ZNF407: variants seen among roughly 807,000 people sequenced by gnomAD.
The protein encoded by ZNF407 is zinc finger protein 407.
A neutral mutation model predicts 131.2 loss-of-function variants in ZNF407; 17 were observed. That is an observed-to-expected ratio of 0.13 (90% CI 0.09 to 0.19). ZNF407 has a LOEUF of 0.19. Ranked by LOEUF, ZNF407 falls within the 10% of genes least tolerant of loss-of-function variation. The pLI is 1.00. For synonymous variants in ZNF407, 1,156 were observed against 1,062.0 expected (o/e 1.09, Z -1.72); for missense variants, 2,681 against 2,830.6 (o/e 0.95, Z 1.20).
In ZNF407 at chr18:74,633,663, AAAGT is replaced by A; in HGVS notation, c.2645_2648del (p.Lys882SerfsTer7). 6.2e-7 allele frequency: 1 copy of A among 1,614,036 alleles called. No homozygotes were observed. The highest frequency in any genetic ancestry group is 8.5e-7 in the Non-Finnish European group (1 of 1,179,878). On this transcript the variant is annotated frameshift_variant, in exon 2 of 9. Coordinates refer to ENST00000299687, the MANE Select transcript of ZNF407 (RefSeq NM_017757.3). LOFTEE classifies it high-confidence loss of function. ...CAGTCACCAGTATAGTTATTTATGCAAAGTGTGTAAGTATTACACTGTAACTAAG... is the reference window on the plus strand; with the variant it reads ...CAGTCACCAGTATAGTTATTTATGCAGTGTAAGTATTACACTGTAACTAAG...
At chr18:74,787,288 C>G (rs1166868201) in intron 4 of ZNF407, among the ~76,000 whole-genome samples, 1 of 152,112 alleles carries the variant, frequency 6.6e-6, no homozygotes, top group Non-Finnish European at 1.5e-5. Context: ...AGGAGATACA[C>G]CCTCATGTTC....
chr18:74,915,319 GGAGT>G (rs1240635148), intron 7 of ZNF407, among the ~76,000 whole-genome samples: 2 of 139,520 alleles, frequency 1.4e-5, no homozygotes, highest in East Asian at 4.1e-4. Context: ...GTTCGAATCG[GGAGT>G]GTGTGTGTGT....
intron 8 of ZNF407, among the ~76,000 whole-genome samples, chr18:75,054,600 A>G (rs893544608): frequency 6.6e-6 from 1 of 152,228 alleles, no homozygotes; most frequent in African/African-American, 2.4e-5. Context: ...TTACCTTTTA[A>G]GGTATGTATA....
chr18:74,877,179 T>G lies in ZNF407; in HGVS notation c.4878-18T>G. Reference sequence around the variant, plus strand: ...TGTGCGGGCCATATTTATATTGTTTTCTCTCTCCTTCATGCAGGAAATTTA... The same window carrying G: ...TGTGCGGGCCATATTTATATTGTTTGCTCTCTCCTTCATGCAGGAAATTTA... On this transcript the variant is annotated intron_variant, in intron 4 of 8. Transcript: ENST00000299687. 1.9e-6 allele frequency: 3 copies of G among 1,612,986 alleles called. No individual in the cohort carries two copies. Among genetic ancestry groups the G allele is most frequent in the Non-Finnish European group, 2.5e-6 (3 of 1,179,262 alleles).
At chr18:74,853,785 C>T (rs1970821941) in intron 4 of ZNF407, among the ~76,000 whole-genome samples, 1 of 152,102 alleles carries the variant, frequency 6.6e-6, no homozygotes, top group African/African-American at 2.4e-5. Context: ...ATTAAGGAGA[C>T]AGTTTTCCAA....
At chr18:74,997,342 A>AG (rs1277506546) in intron 8 of ZNF407, among the ~76,000 whole-genome samples, 3 of 152,210 alleles carry the variant, frequency 2.0e-5, no homozygotes, top group Non-Finnish European at 2.9e-5. Context: ...CTTCACAATT[A>AG]GGGGCCTCTC....
intron 4 of ZNF407, among the ~76,000 whole-genome samples, chr18:74,849,057 TTTTTTTTTTA>T (rs1336342011): frequency 6.9e-6 from 1 of 144,782 alleles, no homozygotes; most frequent in Admixed American, 7.0e-5. Flanking sequence ...TGTTTCTTTT[TTTTTTTTTTA>T]TTTTTTATTT....
At chr18:74,663,481 T>A (rs1985800127) in intron 3 of ZNF407, among the ~76,000 whole-genome samples, 1 of 151,832 alleles carries the variant, frequency 6.6e-6, no homozygotes, top group African/African-American at 2.4e-5. Flanking sequence ...AAGGAAAGAG[T>A]AAATGTAAGG....
chr18:74,892,448 C>T (rs1043875437), intron 7 of ZNF407, among the ~76,000 whole-genome samples: 1 of 152,150 alleles, frequency 6.6e-6, no homozygotes, highest in Non-Finnish European at 1.5e-5. Context: ...GAGTCGGCCA[C>T]GTCAGTCGCT....
intron 3 of ZNF407, among the ~76,000 whole-genome samples, chr18:74,777,103 C>T (rs1969488418): frequency 6.6e-6 from 1 of 152,068 alleles, no homozygotes; most frequent in Admixed American, 6.5e-5. Context: ...GATCATCTCC[C>T]ATGACTCTCA....
chr18:74,632,496 A>G lies in ZNF407; in HGVS notation c.1477A>G (p.Thr493Ala), dbSNP rs1242702593. 4 of 1,614,006 alleles carry G rather than the reference A, an allele frequency of 2.5e-6. No homozygotes were observed. In the East Asian group the frequency reaches 8.9e-5, roughly 36 times the overall value. Residue 493 changes from threonine to alanine, a missense_variant, in exon 2 of 9, where the codon ACC (threonine) becomes GCC (alanine). Around this residue, in one of 6 missense-constraint regions of ZNF407, gnomAD observed 1,789 missense variants for 1,748.7 expected, o/e 1.02. Transcript: ENST00000299687. The part of the protein sequence containing the change: ...CSSVQRVCVT[T>A]SETQEAEQGQ... ...CAGTGTGCAGAGAGTGTGTGTGACT[A>G]CCTCAGAAACCCAGGAGGCAGAGCA...
intron 8 of ZNF407, among the ~76,000 whole-genome samples, chr18:74,961,172 T>A (rs1972340050): frequency 6.6e-6 from 1 of 152,214 alleles, no homozygotes; most frequent in Non-Finnish European, 1.5e-5. Flanking sequence ...GATGGGAGTC[T>A]TTTAAATGCT....
At position 74,631,937 on chromosome 18, in the gene ZNF407, A is replaced by G. The variant is rs1351531684; in HGVS notation, c.918A>G (p.Arg306=). Residue 306 remains arginine, a synonymous_variant, in exon 2 of 9, where the codon AGA becomes AGG. Transcript: ENST00000299687. ...MATKNVHSKP[R]TSKSIAKNSD... ...CAAAAAATGTTCACTCAAAACCAAG[A>G]ACTTCTAAATCAATAGCAAAGAATA... The G allele has an allele frequency of 3.7e-6, 6 of 1,613,902 alleles. No individual in the cohort carries two copies. The African/African-American group carries it at 8.0e-5, about 22-fold the overall frequency.
chr18:74,707,892 T>C (rs1967664906), intron 3 of ZNF407, among the ~76,000 whole-genome samples: 1 of 152,222 alleles, frequency 6.6e-6, no homozygotes, highest in African/African-American at 2.4e-5. Flanking sequence ...TTTAGTGATG[T>C]AAATTATAAT....
intron 7 of ZNF407, among the ~76,000 whole-genome samples, chr18:74,899,352 C>T (rs1443054445): frequency 3.3e-5 from 5 of 151,998 alleles, no homozygotes; most frequent in East Asian, 1.9e-4. Flanking sequence ...GGAAGGTGAA[C>T]GAATGGATCT....
chr18:74,755,745 C>CTTTCTTTCTTTCT (rs1245079856), intron 3 of ZNF407, among the ~76,000 whole-genome samples: 1 of 115,970 alleles, frequency 8.6e-6, no homozygotes, highest in African/African-American at 4.3e-5. Flanking sequence ...TTCTTTCTTT[C>CTTTCTTTCTTTCT]TTTCTTTCTT....
chr18:74,638,559 G>T (rs922616151), intron 2 of ZNF407, among the ~76,000 whole-genome samples: 1 of 152,168 alleles, frequency 6.6e-6, no homozygotes, highest in Non-Finnish European at 1.5e-5. Context: ...ATGACTGATG[G>T]TTGAGGAGCC....
At position 74,779,617 on chromosome 18, in the gene ZNF407, T is replaced by A. The variant is rs527821747; in HGVS notation, c.4803-1811T>A. On this transcript the variant is annotated intron_variant, in intron 3 of 8. Coordinates refer to ENST00000299687, the MANE Select transcript of ZNF407 (RefSeq NM_017757.3). Reference sequence around the variant, plus strand: ...TAATAAAAATTATTATTTCACTAAATATTCAGCACTAGAGACACTCAGCAC... The same window carrying A: ...TAATAAAAATTATTATTTCACTAAAAATTCAGCACTAGAGACACTCAGCAC... 4.6e-5 allele frequency among the ~76,000 whole-genome samples: 7 copies of A among 152,298 alleles called. No individual in the cohort carries two copies. The South Asian group carries it at 1.0e-3, about 23-fold the overall frequency.
chr18:74,724,092 A>G (rs1198676376), intron 3 of ZNF407, among the ~76,000 whole-genome samples: 1 of 152,182 alleles, frequency 6.6e-6, no homozygotes, highest in East Asian at 1.9e-4. Context: ...AATTGCAATG[A>G]ATATGAAAAA....
Sources: allele counts gnomAD v4.1 joint callset (sites outside exome capture counted in the v4.1 genomes callset), GRCh38; gene constraint gnomAD v4.1.1; regional missense constraint gnomAD v4.1.1; transcripts MANE v1.5; gene names NCBI Gene and HGNC (gene_info 2026-07-23, HGNC 2026-07-21).